Variants in FANCB observed in about 807,000 individuals in gnomAD.
The protein encoded by FANCB is Fanconi anemia group B protein.
A neutral mutation model predicts 38.9 loss-of-function variants in FANCB; 5 were observed. That is an observed-to-expected ratio of 0.13 (90% CI 0.07 to 0.27). The LOEUF is 0.27. FANCB is among the 10% of genes least tolerant of loss of function. The probability of loss-of-function intolerance (pLI) is 1.00; values close to 1 mark genes in which losing one functional copy is unlikely to be tolerated. For synonymous variants in FANCB, 236 were observed against 215.4 expected, an observed-to-expected ratio of 1.10 and a Z score of -0.84; for missense variants, 573 against 602.7, an observed-to-expected ratio of 0.95 and a Z score of 0.52.
chrX:14,710,140 G>C, the FANCB span, among the ~76,000 whole-genome samples: 2 of 111,606 alleles, frequency 1.8e-5, no homozygotes, highest in Non-Finnish European at 3.8e-5. Context: ...AAGTTGGCAG[G>C]AAGACATCGA....
At chrX:14,774,994 G>A in the FANCB span, among the ~76,000 whole-genome samples, 292 of 109,379 alleles carry the variant, frequency 2.7e-3, 1 homozygote, top group African/African-American at 8.4e-3. Context: ...CACAACGCCC[G>A]GCTAATTTTT....
chrX:14,746,386 T>C, the FANCB span, among the ~76,000 whole-genome samples: 1 of 112,154 alleles, frequency 8.9e-6, no homozygotes, highest in African/African-American at 3.2e-5. Context: ...CAGCACATAA[T>C]TCTGACTACA....
chrX:14,735,379 T>G, the FANCB span, among the ~76,000 whole-genome samples: 1 of 111,896 alleles, frequency 8.9e-6, no homozygotes, highest in Non-Finnish European at 1.9e-5. Context: ...TTATCTACCT[T>G]TGGTCTTTGA....
At chrX:14,821,350 TAAGA>T in the FANCB span, among the ~76,000 whole-genome samples, 1 of 111,525 alleles carries the variant, frequency 9.0e-6, no homozygotes, top group African/African-American at 3.3e-5. Context: ...AGAAAACCCT[TAAGA>T]GAGAGAAAAA....
At chrX:14,807,235 TA>T in the FANCB span, among the ~76,000 whole-genome samples, 2 of 111,984 alleles carry the variant, frequency 1.8e-5, no homozygotes, top group African/African-American at 3.2e-5. Flanking sequence ...TTCCAAAGCC[TA>T]AAAAAAATTC....
chrX:14,796,521 T>C, the FANCB span, among the ~76,000 whole-genome samples: 1 of 98,150 alleles, frequency 1.0e-5, no homozygotes, highest in Non-Finnish European at 2.0e-5. Flanking sequence ...ATATATAACA[T>C]ATATAATCTA....
At chrX:14,791,033 C>A in the FANCB span, among the ~76,000 whole-genome samples, 1 of 110,877 alleles carries the variant, frequency 9.0e-6, no homozygotes, top group Non-Finnish European at 1.9e-5. Context: ...ATGCCAACAA[C>A]CTCACTTTCT....
At chrX:14,711,631 T>C in the FANCB span, among the ~76,000 whole-genome samples, 2 of 112,489 alleles carry the variant, frequency 1.8e-5, no homozygotes, top group African/African-American at 3.2e-5. Flanking sequence ...ATACACTATA[T>C]ACCAGGCATG....
chrX:14,788,565 A>G, the FANCB span, among the ~76,000 whole-genome samples: 1 of 112,083 alleles, frequency 8.9e-6, no homozygotes, highest in Non-Finnish European at 1.9e-5. Context: ...AGGGTTCCCT[A>G]TAGGCAGAGC....
chrX:14,702,502 A>G, the FANCB span, among the ~76,000 whole-genome samples: 20,616 of 111,756 alleles, frequency 0.18, 1,799 homozygotes, highest in Middle Eastern at 0.28. Context: ...TGGGATGTAT[A>G]TTATAAACTT....
chrX:14,705,644 T>C, the FANCB span, among the ~76,000 whole-genome samples: 3 of 112,239 alleles, frequency 2.7e-5, no homozygotes, highest in African/African-American at 3.2e-5. Flanking sequence ...TATAACCCAG[T>C]TGACAAAATA....
At chrX:14,774,548 A>G in the FANCB span, among the ~76,000 whole-genome samples, 1 of 112,213 alleles carries the variant, frequency 8.9e-6, no homozygotes, top group Non-Finnish European at 1.9e-5. Flanking sequence ...ACCAACATCA[A>G]CTCCAAATGG....
At chrX:14,830,598 T>C in the FANCB span, among the ~76,000 whole-genome samples, 1 of 111,847 alleles carries the variant, frequency 8.9e-6, no homozygotes, top group Non-Finnish European at 1.9e-5. Flanking sequence ...CCTTTGCAAA[T>C]TTAAATCAAT....
the FANCB span, among the ~76,000 whole-genome samples, chrX:14,764,277 G>A: frequency 5.4e-5 from 6 of 110,787 alleles, no homozygotes; most frequent in African/African-American, 2.0e-4. Flanking sequence ...GTACGACTGA[G>A]ATCCCTGCTT....
At chrX:14,696,763 G>T in the FANCB span, among the ~76,000 whole-genome samples, 26,821 of 111,187 alleles carry the variant, frequency 0.24, 2,537 homozygotes, top group Non-Finnish European at 0.3. Context: ...GAGCAAAAAG[G>T]ATACCTTAGA....
chrX:14,817,320 G>C, the FANCB span, among the ~76,000 whole-genome samples: 1 of 111,625 alleles, frequency 9.0e-6, no homozygotes, highest in Admixed American at 9.5e-5. Flanking sequence ...ACATCCTCTT[G>C]TGCCTCGCAT....
the FANCB span, among the ~76,000 whole-genome samples, chrX:14,742,648 G>A: frequency 4.5e-5 from 5 of 111,534 alleles, no homozygotes; most frequent in Non-Finnish European, 9.4e-5. Flanking sequence ...AGAACCTATC[G>A]CCTATAAATG....
chrX:14,803,349 G>A, the FANCB span, among the ~76,000 whole-genome samples: 6 of 112,459 alleles, frequency 5.3e-5, no homozygotes, highest in Admixed American at 4.7e-4. Flanking sequence ...GGGACAAGGT[G>A]TATAGATCAA....
the FANCB span, among the ~76,000 whole-genome samples, chrX:14,726,157 T>C: frequency 8.9e-6 from 1 of 112,459 alleles, no homozygotes; most frequent in East Asian, 2.8e-4. Context: ...TTCTTTATTT[T>C]AGTTTCAGTT....
Sources: gnomAD v4.1 joint callset for allele counts (sites outside exome capture counted in the v4.1 genomes callset) on GRCh38, gnomAD v4.1.1 for gene constraint, MANE v1.5 for transcripts, NCBI Gene and HGNC (gene_info 2026-07-23, HGNC 2026-07-21) for gene names.